SLCO3A1: variants seen among roughly 807,000 people sequenced by gnomAD.
SLCO3A1 encodes the protein solute carrier organic anion transporter family member 3A1, also known as PGE1 transporter.
A neutral mutation model predicts 63.1 loss-of-function variants in SLCO3A1; 27 were observed. That is an observed-to-expected ratio of 0.43 (90% confidence interval 0.32 to 0.59). The LOEUF (loss-of-function observed/expected upper bound fraction) is 0.59, where lower values mean the gene tolerates loss of function less well. Among genes scored for constraint, SLCO3A1 ranks in the 20% least tolerant of loss-of-function variants. The pLI is 0.09. For missense variants in SLCO3A1, 773 were observed against 945.8 expected (o/e 0.82, Z 2.40); for synonymous variants, 473 against 409.9 (o/e 1.15, Z -1.86).
In SLCO3A1 at chr15:91,889,261, A is replaced by G. The variant is rs912798107; in HGVS notation, c.181-26732A>G. ...CTGTGGGTGGTCCTGCTGGACCTGG[A>G]GTGCATTTGCAACACTTTATGGGCT... On this transcript the variant is annotated intron_variant, in intron 1 of 9. Coordinates refer to ENST00000318445, the MANE Select transcript of SLCO3A1 (RefSeq NM_013272.4). 1.2e-5 allele frequency: 10 copies of G among 837,098 alleles called. No homozygotes were observed. In the African/African-American group the frequency reaches 1.4e-4, roughly 12 times the overall value. The allele number at this position is 837,098 out of a possible 1,614,324, so 51.9% of individuals were successfully genotyped here.
chr15:92,111,813 C>G (rs1361051314), intron 4 of SLCO3A1, among the ~76,000 whole-genome samples: 1 of 152,150 alleles, frequency 6.6e-6, no homozygotes, highest in African/African-American at 2.4e-5. Flanking sequence ...GGCAGCATTT[C>G]CCAATGAGGG....
intron 4 of SLCO3A1, among the ~76,000 whole-genome samples, chr15:92,104,884 C>A (rs896933625): frequency 4.6e-5 from 7 of 152,048 alleles, no homozygotes; most frequent in Non-Finnish European, 7.4e-5. Context: ...CCATAAGCAC[C>A]TGGAAGCAAT....
At chr15:92,096,091 C>G (rs566319101) in intron 3 of SLCO3A1, among the ~76,000 whole-genome samples, 1 of 152,178 alleles carries the variant, frequency 6.6e-6, no homozygotes, top group African/African-American at 2.4e-5. Flanking sequence ...GCAGTTCTAG[C>G]TCAGGGTCTC....
intron 1 of SLCO3A1, among the ~76,000 whole-genome samples, chr15:91,892,353 G>C (rs1897892513): frequency 6.6e-6 from 1 of 152,154 alleles, no homozygotes; most frequent in African/African-American, 2.4e-5. Flanking sequence ...CTAACAAACA[G>C]AGCTGGCTGC....
In SLCO3A1 at chr15:91,856,928, A is replaced by T. The variant is rs1308092987; in HGVS notation, c.180+2840A>T. On this transcript the variant is annotated intron_variant, in intron 1 of 9. Coordinates refer to ENST00000318445, the MANE Select transcript of SLCO3A1 (RefSeq NM_013272.4). This position sits in a 1 kb window ranked among gnomAD's most constrained non-coding sequence, Gnocchi z 4.9. ...TCCTTATTTTTTTCTGAAAAGACAAATTTCTCAGTGTCCTGAATGACACTA... is the reference window on the plus strand; with the variant it reads ...TCCTTATTTTTTTCTGAAAAGACAATTTTCTCAGTGTCCTGAATGACACTA... 6.6e-6 allele frequency among the ~76,000 whole-genome samples: 1 copy of T among 152,096 alleles called. No homozygotes were observed. The highest frequency in any genetic ancestry group is 1.9e-4 in the East Asian group (1 of 5,198).
chr15:92,171,451 G>A (rs977641891), intron 10 of SLCO3A1: 2 of 234,986 alleles, frequency 8.5e-6, no homozygotes, highest in Non-Finnish European at 1.7e-5. Flanking sequence ...CACAAGGTCT[G>A]TCACTAGTAA....
intron 2 of SLCO3A1, among the ~76,000 whole-genome samples, chr15:92,047,602 T>TATATATATAAATATATAA (rs2046903227): frequency 5.4e-5 from 2 of 37,090 alleles, no homozygotes; most frequent in Non-Finnish European, 1.2e-4. Context: ...TAATATATAA[T>TATATATATAAATATATAA]ATATATATAA....
intron 1 of SLCO3A1, among the ~76,000 whole-genome samples, chr15:91,892,777 C>A (rs192588589): frequency 6.6e-6 from 1 of 152,302 alleles, no homozygotes; most frequent in Admixed American, 6.5e-5. Context: ...TCACCAGCTG[C>A]GTGACTACTC....
rs377102006 is a variant in SLCO3A1 at position 92,120,488 on chromosome 15, C to G, written c.1033C>G (p.Leu345Val). 6.2e-7 allele frequency: 1 copy of G among 1,614,022 alleles called. No homozygotes were observed. Among genetic ancestry groups the G allele is most frequent in the African/African-American group, 1.3e-5 (1 of 74,924 alleles). Reference protein sequence around the residue: ...LRVIPKVTKHLLSNPVFTCII... With the variant: ...LRVIPKVTKHVLSNPVFTCII... Reference sequence around the variant, plus strand: ...AGTGATCCCGAAGGTCACCAAGCACCTGCTCTCAAACCCTGTGTTCACCTG... The same window carrying G: ...AGTGATCCCGAAGGTCACCAAGCACGTGCTCTCAAACCCTGTGTTCACCTG... Residue 345 changes from leucine to valine, a missense_variant, in exon 5 of 10, where the codon CTG becomes GTG. Leu to Val is a conservative substitution (Grantham distance 32). Coordinates refer to ENST00000318445, the MANE Select transcript of SLCO3A1 (RefSeq NM_013272.4).
intron 9 of SLCO3A1, among the ~76,000 whole-genome samples, chr15:92,153,789 G>A (rs781778130): frequency 1.2e-4 from 19 of 152,250 alleles, no homozygotes; most frequent in South Asian, 8.3e-4. Flanking sequence ...AAGGACTTAC[G>A]GGGTAAAAGC....
intron 1 of SLCO3A1, among the ~76,000 whole-genome samples, chr15:91,901,477 A>G (rs995435100): frequency 6.6e-6 from 1 of 152,170 alleles, no homozygotes; most frequent in Non-Finnish European, 1.5e-5. Context: ...GAGTTACTAT[A>G]TGGTATCGTT....
downstream of SLCO3A1, among the ~76,000 whole-genome samples, chr15:92,166,845 C>T (rs1289685763): frequency 6.6e-6 from 1 of 152,194 alleles, no homozygotes; most frequent in African/African-American, 2.4e-5. Context: ...GGCTGGTTTT[C>T]TTGCCGCCTG....
intron 2 of SLCO3A1, among the ~76,000 whole-genome samples, chr15:91,971,394 C>CAAAAAAAAAAAAAAATAAAAAAAAAAA (rs1900859782): frequency 2.5e-5 from 1 of 39,388 alleles, no homozygotes; most frequent in African/African-American, 8.5e-5. Context: ...GACTCCATCT[C>CAAAAAAAAAAAAAAATAAAAAAAAAAA]AAAAAAAAAA....
rs985456073 is a variant in SLCO3A1 at position 92,099,665 on chromosome 15, C to T, written c.746-4614C>T. Among the ~76,000 whole-genome samples, 7 of 152,150 alleles carry T rather than the reference C, an allele frequency of 4.6e-5. No individual in the cohort carries two copies. The South Asian group carries it at 6.2e-4, about 13-fold the overall frequency. ...GCCTCCTAGTTCAGTTAACCTTTGA[C>T]AGAGAGAGCAAACAGCTGTCAACAG... On this transcript the variant is annotated intron_variant, in intron 3 of 9. Coordinates refer to ENST00000318445, the MANE Select transcript of SLCO3A1 (RefSeq NM_013272.4).
rs146657035 is a variant in SLCO3A1 at position 92,061,841 on chromosome 15, T to G, written c.647-33040T>G. 3.9e-3 allele frequency among the ~76,000 whole-genome samples: 595 copies of G among 152,336 alleles called. 5 individuals are homozygous for G. Among genetic ancestry groups the G allele is most frequent in the African/African-American group, 0.013 (540 of 41,586 alleles). ...TGTTTGTGGATGCACATGTACATCC[T>G]TACACAAGGGCCTCCCCTTTGGGAG... On this transcript the variant is annotated intron_variant, in intron 2 of 9. Coordinates refer to ENST00000318445, the MANE Select transcript of SLCO3A1 (RefSeq NM_013272.4).
At position 91,916,181 on chromosome 15, in the gene SLCO3A1, GGC is replaced by G. The variant is rs1567183775; in HGVS notation, c.372_373del (p.Leu125AlafsTer122). The G allele has an allele frequency of 6.3e-7, 1 of 1,598,834 alleles. No homozygotes were observed. The highest frequency in any genetic ancestry group is 8.5e-7 in the Non-Finnish European group (1 of 1,175,302). On this transcript the variant is annotated frameshift_variant, in exon 2 of 10. Coordinates refer to ENST00000318445, the MANE Select transcript of SLCO3A1 (RefSeq NM_013272.4). LOFTEE classifies it high-confidence loss of function. The surrounding 1 kb of genome is among the most constrained non-coding windows in gnomAD (Gnocchi z 6.2). ...IVMALGALLS[A>X]LPEFLTHQYK... ...TCATGGCGCTGGGCGCGCTGCTGTC[GGC>G]GCTGCCCGAGTTCCTGACCCACCAG... is the stretch of plus-strand genomic sequence containing the variant.
intron 2 of SLCO3A1, among the ~76,000 whole-genome samples, chr15:91,931,156 G>C (rs1899214098): frequency 6.6e-6 from 1 of 152,206 alleles, no homozygotes; most frequent in African/African-American, 2.4e-5. Context: ...TACTGTTAGA[G>C]AAAAGAAACA....
Position 92,126,311 on chromosome 15 carries a change from A to G in SLCO3A1, c.1373+52A>G, listed in dbSNP as rs747963912. 1.3e-5 allele frequency: 19 copies of G among 1,504,170 alleles called. No homozygotes were observed. The Admixed American group carries it at 3.2e-4, about 25-fold the overall frequency. The allele number at this position is 1,504,170 out of a possible 1,614,324, so 93.2% of individuals were successfully genotyped here. Reference sequence around the variant, plus strand: ...TCCTGCCTGTTCAGGGACCCTAGCAATCTCCCTCTGCAGTAGGTTGAGGGA... The same window carrying G: ...TCCTGCCTGTTCAGGGACCCTAGCAGTCTCCCTCTGCAGTAGGTTGAGGGA... On this transcript the variant is annotated intron_variant, in intron 6 of 9. Coordinates refer to ENST00000318445, the MANE Select transcript of SLCO3A1 (RefSeq NM_013272.4).
chr15:91,978,755 A>G (rs1364379582), intron 2 of SLCO3A1, among the ~76,000 whole-genome samples: 1 of 152,274 alleles, frequency 6.6e-6, no homozygotes, highest in East Asian at 1.9e-4. Flanking sequence ...GGATTCATAT[A>G]TGAATACTAC....
Sources: gnomAD v4.1 joint callset for allele counts (sites outside exome capture counted in the v4.1 genomes callset) on GRCh38, gnomAD v4.1.1 for gene constraint, Gnocchi (gnomAD v3.1) non-coding constraint, MANE v1.5 for transcripts, NCBI Gene and HGNC (gene_info 2026-07-23, HGNC 2026-07-21) for gene names.